ASAP1: variants seen among roughly 807,000 people sequenced by gnomAD.
The protein encoded by ASAP1 is arf-GAP with SH3 domain, ANK repeat and PH domain-containing protein 1.
ASAP1 carries 43 observed loss-of-function variants against 145.2 expected under a neutral mutation model. The observed-to-expected ratio is 0.30, with a 90% CI of 0.23 to 0.38. ASAP1 has a LOEUF of 0.38. Among genes scored for constraint, ASAP1 ranks in the 10% least tolerant of loss-of-function variants. The pLI is 1.00. For synonymous variants in ASAP1, 546 were observed against 515.5 expected, an observed-to-expected ratio of 1.06 and a Z score of -0.80; for missense variants, 1,018 against 1,355.3, an observed-to-expected ratio of 0.75 and a Z score of 3.91.
chr8:130,065,596 C>T (rs1346833595), intron 27 of ASAP1, among the ~76,000 whole-genome samples: 1 of 152,200 alleles, frequency 6.6e-6, no homozygotes, highest in African/African-American at 2.4e-5. Context: ...AAACCAGGAA[C>T]TGTGGACGGA....
At chr8:130,196,535 G>A (rs1815504047) in intron 5 of ASAP1, among the ~76,000 whole-genome samples, 1 of 152,172 alleles carries the variant, frequency 6.6e-6, no homozygotes, top group Non-Finnish European at 1.5e-5. Context: ...GCAGGGCCTC[G>A]TTTTTTCTTG....
Position 130,060,766 on chromosome 8 carries a change from G to T in ASAP1, c.3005C>A (p.Ser1002Tyr). ...KPQLGDLLAKSQTGDVSPKAQ... is the reference protein window; with the variant it reads ...KPQLGDLLAKYQTGDVSPKAQ... ...CTTGGGTGAGACATCTCCAGTCTGG[G>T]ATTTTGCTAGCAGGTCTCCCAGCTG... The change falls in exon 28 of 30, where the codon TCC becomes TAC. Residue 1002 changes from serine to tyrosine, a missense_variant. Physicochemically the swap from Ser to Tyr is moderately radical, Grantham distance 144 (BLOSUM62 -2). Around this residue, in one of 9 missense-constraint regions of ASAP1, gnomAD observed 139 missense variants for 131.0 expected, o/e 1.06. Coordinates refer to ENST00000518721, the MANE Select transcript of ASAP1 (RefSeq NM_018482.4). The T allele has an allele frequency of 6.2e-7, 1 of 1,614,164 alleles. No homozygotes were observed. The highest frequency in any genetic ancestry group is 8.5e-7 in the Non-Finnish European group (1 of 1,180,030).
chr8:130,208,106 G>C (rs746104047), intron 5 of ASAP1, among the ~76,000 whole-genome samples: 2 of 151,962 alleles, frequency 1.3e-5, no homozygotes, highest in East Asian at 1.9e-4. Flanking sequence ...AAAAATTATA[G>C]ACTCACCAAA....
chr8:130,293,149 C>T (rs1287730934), intron 3 of ASAP1, among the ~76,000 whole-genome samples: 1 of 152,210 alleles, frequency 6.6e-6, no homozygotes, highest in Non-Finnish European at 1.5e-5. Context: ...CCAAAGCTTG[C>T]TTTTCACACT....
At chr8:130,306,335 G>A (rs1359010034) in intron 3 of ASAP1, among the ~76,000 whole-genome samples, 1 of 152,150 alleles carries the variant, frequency 6.6e-6, no homozygotes, top group African/African-American at 2.4e-5. Context: ...GCAAGTCACT[G>A]TAAATGCACA....
chr8:130,272,540 GC>G (rs1820649261), intron 3 of ASAP1, among the ~76,000 whole-genome samples: 1 of 152,142 alleles, frequency 6.6e-6, no homozygotes, highest in African/African-American at 2.4e-5. Flanking sequence ...TAAAAGGGAT[GC>G]CTGCACCCCC....
intron 2 of ASAP1, among the ~76,000 whole-genome samples, chr8:130,393,947 T>C (rs1359297077): frequency 3.3e-5 from 5 of 152,370 alleles, no homozygotes; most frequent in African/African-American, 1.2e-4. Context: ...CCCCAATCAA[T>C]ACCCTTGTGA....
intron 24 of ASAP1, among the ~76,000 whole-genome samples, chr8:130,106,926 C>T (rs2097537767): frequency 6.6e-6 from 1 of 152,210 alleles, no homozygotes; most frequent in South Asian, 2.1e-4. Flanking sequence ...TTCTTCTTTA[C>T]ATTTCCAGTG....
intron 2 of ASAP1, among the ~76,000 whole-genome samples, chr8:130,373,019 CAG>C (rs1182218281): frequency 5.8e-5 from 7 of 121,556 alleles, no homozygotes; most frequent in South Asian, 4.1e-4. Flanking sequence ...CACATACACA[CAG>C]ACACACACAC....
At chr8:130,254,421 G>GT (rs1425810094) in intron 3 of ASAP1, among the ~76,000 whole-genome samples, 1 of 152,164 alleles carries the variant, frequency 6.6e-6, no homozygotes, top group Non-Finnish European at 1.5e-5. Context: ...CTAATTCAAA[G>GT]TAAGACTTGC....
At chr8:130,158,928 T>G (rs2097663459) in intron 12 of ASAP1, among the ~76,000 whole-genome samples, 2 of 152,032 alleles carry the variant, frequency 1.3e-5, no homozygotes, top group South Asian at 4.2e-4. Flanking sequence ...AGACGGGGTT[T>G]CACTGTGTTA....
At chr8:130,178,615 G>A (rs566301531) in intron 9 of ASAP1, among the ~76,000 whole-genome samples, 1 of 152,326 alleles carries the variant, frequency 6.6e-6, no homozygotes, top group South Asian at 2.1e-4. Context: ...GACTCCAGGT[G>A]GAAATACATG....
chr8:130,223,926 C>T (rs902550710), intron 4 of ASAP1, among the ~76,000 whole-genome samples: 1 of 152,142 alleles, frequency 6.6e-6, no homozygotes. Flanking sequence ...CGCATTATTA[C>T]ACTCCAGTCA....
chr8:130,202,527 C>G (rs1180174031), intron 5 of ASAP1, among the ~76,000 whole-genome samples: 1 of 152,168 alleles, frequency 6.6e-6, no homozygotes, highest in African/African-American at 2.4e-5. Context: ...AAAGTATAGA[C>G]TTTCACCTCA....
intron 3 of ASAP1, among the ~76,000 whole-genome samples, chr8:130,300,153 C>CACACACAGAGAGAG (rs1196584279): frequency 1.6e-3 from 124 of 76,888 alleles, no homozygotes; most frequent in East Asian, 5.4e-3. Flanking sequence ...CACACACACA[C>CACACACAGAGAGAG]AGAGAGAGAG....
chr8:130,363,462 A>G (rs1312909386), intron 2 of ASAP1, among the ~76,000 whole-genome samples: 1 of 152,262 alleles, frequency 6.6e-6, no homozygotes, highest in Non-Finnish European at 1.5e-5. Context: ...TATAGAATTT[A>G]GAATACATTT....
chr8:130,062,796 C>T (rs1407953630), intron 27 of ASAP1, among the ~76,000 whole-genome samples: 1 of 152,138 alleles, frequency 6.6e-6, no homozygotes, highest in Non-Finnish European at 1.5e-5. Context: ...CATCTGAATG[C>T]AGGGGATTGT....
chr8:130,106,026 C>T (rs185375438), intron 24 of ASAP1, among the ~76,000 whole-genome samples: 2 of 152,276 alleles, frequency 1.3e-5, no homozygotes, highest in African/African-American at 2.4e-5. Context: ...CTTTCCACAC[C>T]CTGGCAGTCA....
intron 3 of ASAP1, among the ~76,000 whole-genome samples, chr8:130,321,064 T>C (rs1823974056): frequency 6.6e-6 from 1 of 152,208 alleles, no homozygotes; most frequent in Non-Finnish European, 1.5e-5. Flanking sequence ...CTTTCAATTT[T>C]GAAATTTTGT....
Sources: allele counts gnomAD v4.1 joint callset (sites outside exome capture counted in the v4.1 genomes callset), GRCh38; gene constraint gnomAD v4.1.1; regional missense constraint gnomAD v4.1.1; transcripts MANE v1.5; gene names NCBI Gene and HGNC (gene_info 2026-07-23, HGNC 2026-07-21).